Variants in ABCA1 observed in about 807,000 individuals in gnomAD.
ABCA1 encodes the protein ATP binding cassette subfamily A member 1, also known as phospholipid-transporting ATPase ABCA1.
Under a neutral mutation model 262.5 loss-of-function variants are expected in ABCA1, and 133 were observed. The ratio of observed to expected loss-of-function variants is 0.51; its 90% CI spans 0.44 to 0.59. The LOEUF (loss-of-function observed/expected upper bound fraction) is 0.59. Among genes scored for constraint, ABCA1 ranks in the 20% least tolerant of loss-of-function variants. ABCA1 has a pLI of 0.00. For missense variants in ABCA1, 2,452 were observed against 2,777.5 expected, an observed-to-expected ratio of 0.88 and a Z score of 2.63; for synonymous variants, 1,022 against 1,043.5, an observed-to-expected ratio of 0.98 and a Z score of 0.40.
intron 3 of ABCA1, among the ~76,000 whole-genome samples, chr9:104,886,045 G>A (rs1839138468): frequency 6.6e-6 from 1 of 152,200 alleles, no homozygotes; most frequent in African/African-American, 2.4e-5. Context: ...GAGCTGTGGT[G>A]AGCATCGCAT....
chr9:104,916,879 G>A (rs935829045), intron 1 of ABCA1, among the ~76,000 whole-genome samples: 12 of 152,042 alleles, frequency 7.9e-5, no homozygotes, highest in Non-Finnish European at 1.8e-4. Flanking sequence ...AAGCTGAAGT[G>A]GATGACCTTC....
chr9:104,831,935 C>G, intron 12 of ABCA1, 108 bp from the exon 13 acceptor site: 1 of 1,034,148 alleles, frequency 9.7e-7, no homozygotes, highest in Non-Finnish European at 1.5e-6. Context: ...ATTGCTCATC[C>G]TCTCTCTCTA....
At chr9:104,914,046 G>A (rs1418703561) in intron 1 of ABCA1, among the ~76,000 whole-genome samples, 10 of 151,736 alleles carry the variant, frequency 6.6e-5, no homozygotes, top group South Asian at 4.2e-4. Context: ...TGATCCACCC[G>A]CCTCAGCCTC....
chr9:104,867,146 A>T (rs1445733936), intron 5 of ABCA1, among the ~76,000 whole-genome samples: 1 of 152,236 alleles, frequency 6.6e-6, no homozygotes. Flanking sequence ...AAGAGGACAC[A>T]AGAGTTCTGC....
At chr9:104,921,852 A>G (rs968743283) in intron 1 of ABCA1, among the ~76,000 whole-genome samples, 1 of 152,238 alleles carries the variant, frequency 6.6e-6, no homozygotes, top group African/African-American at 2.4e-5. Context: ...CAAGAGGAAG[A>G]CAAATAAATG....
chr9:104,889,346 G>C, intron 2 of ABCA1, 151 bp from the exon 3 acceptor site: 1 of 1,526,126 alleles, frequency 6.6e-7, no homozygotes, highest in Non-Finnish European at 8.8e-7. Context: ...TAACAGAACT[G>C]TTTGGAGTCC....
intron 1 of ABCA1, among the ~76,000 whole-genome samples, chr9:104,908,832 G>T (rs944401297): frequency 2.0e-5 from 3 of 152,170 alleles, no homozygotes; most frequent in African/African-American, 7.2e-5. Context: ...TCTGGAAAAG[G>T]TGAAATGAAG....
In ABCA1 at chr9:104,792,803, T is replaced by C. The variant is rs1829541101; in HGVS notation, c.5740A>G (p.Ile1914Val). The C allele has an allele frequency of 6.2e-7, 1 of 1,614,124 alleles. No homozygotes were observed. The highest frequency in any genetic ancestry group is 1.1e-5 in the South Asian group (1 of 91,082). ...DGGGQNDILE[I>V]KELTKIYRRK... ...TCTCTCACCTTCGTCAACTCCTTGATTTCTAAGATGTCATTCTGGCCTCCA... is the reference window on the plus strand; with the variant it reads ...TCTCTCACCTTCGTCAACTCCTTGACTTCTAAGATGTCATTCTGGCCTCCA... The change falls in exon 42 of 50, where the codon ATC becomes GTC. Residue 1914 changes from isoleucine (I) to valine (V), a missense_variant. Physicochemically the swap from Ile to Val is conservative, Grantham distance 29 (BLOSUM62 3). Coordinates refer to ENST00000374736, the MANE Select transcript of ABCA1 (RefSeq NM_005502.4).
chr9:104,903,556 C>G, intron 2 of ABCA1, 58 bp downstream of exon 2: 2 of 1,532,182 alleles, frequency 1.3e-6, no homozygotes, highest in Non-Finnish European at 1.8e-6. Context: ...CAATCCCCAA[C>G]TCAAAACCAC....
intron 14 of ABCA1, among the ~76,000 whole-genome samples, chr9:104,830,152 A>G (rs1833154656): frequency 6.6e-6 from 1 of 152,258 alleles, no homozygotes; most frequent in Non-Finnish European, 1.5e-5. Context: ...TTAGTGACTC[A>G]GCACTGAAAG....
chr9:104,896,769 T>A, intron 2 of ABCA1, among the ~76,000 whole-genome samples: 1 of 137,134 alleles, frequency 7.3e-6, no homozygotes, highest in Non-Finnish European at 1.5e-5. Context: ...TTCACTCTGT[T>A]GCCCAGGCTG....
At chr9:104,829,159 CA>C (rs1475761939) in intron 14 of ABCA1, 21 bp from the exon 15 acceptor site, 1 of 1,613,528 alleles carries the variant, frequency 6.2e-7, no homozygotes, top group East Asian at 2.2e-5. Context: ...CAAGGAAGGA[CA>C]AGGGGAGAAA....
At chr9:104,903,864 A>AGC (rs1840870623) in intron 1 of ABCA1, 93 bp from the exon 2 acceptor site, 3 of 643,298 alleles carry the variant, frequency 4.7e-6, no homozygotes, top group Non-Finnish European at 8.4e-6. Flanking sequence ...CTCAGCTGAG[A>AGC]CCTCCAACAC....
At chr9:104,916,851 T>G (rs1050616094) in intron 1 of ABCA1, among the ~76,000 whole-genome samples, 1 of 137,652 alleles carries the variant, frequency 7.3e-6, no homozygotes, top group Admixed American at 7.0e-5. Flanking sequence ...AGCCAGAAAA[T>G]ATGTCTTTTT....
At chr9:104,894,960 C>T (rs2118372722) in intron 2 of ABCA1, among the ~76,000 whole-genome samples, 1 of 152,350 alleles carries the variant, frequency 6.6e-6, no homozygotes, top group South Asian at 2.1e-4. Flanking sequence ...TAGCCTCCCT[C>T]TAGAAACCAA....
intron 43 of ABCA1, among the ~76,000 whole-genome samples, chr9:104,791,244 G>A (rs570970812): frequency 6.6e-6 from 1 of 152,264 alleles, no homozygotes; most frequent in East Asian, 1.9e-4. Context: ...GAGTTGTCAA[G>A]TTGAGGCCAA....
intron 2 of ABCA1, among the ~76,000 whole-genome samples, chr9:104,896,544 A>G (rs1483560509): frequency 6.6e-6 from 1 of 152,020 alleles, no homozygotes; most frequent in Non-Finnish European, 1.5e-5. Context: ...AGATAAAAAT[A>G]TCAAAAGATA....
intron 8 of ABCA1, among the ~76,000 whole-genome samples, chr9:104,842,474 T>C (rs1252856434): frequency 6.6e-6 from 1 of 152,172 alleles, no homozygotes; most frequent in Non-Finnish European, 1.5e-5. Context: ...AGCAAATCTT[T>C]CTAAAGAAGC....
chr9:104,923,967 A>G (rs1298094941), intron 1 of ABCA1, among the ~76,000 whole-genome samples: 2 of 152,224 alleles, frequency 1.3e-5, no homozygotes, highest in African/African-American at 4.8e-5. Flanking sequence ...ACGTGAGCGC[A>G]GGAGGCTGAG....
Sources: allele counts gnomAD v4.1 joint callset (sites outside exome capture counted in the v4.1 genomes callset), GRCh38; gene constraint gnomAD v4.1.1; transcripts MANE v1.5; gene names NCBI Gene and HGNC (gene_info 2026-07-23, HGNC 2026-07-21).